The following IL1RAPL1 variants were observed in gnomAD, a reference collection of about 807,000 sequenced individuals.
IL1RAPL1 encodes interleukin 1 receptor accessory protein like 1, also known as interleukin-1 receptor accessory protein-like 1.
Under a neutral mutation model 48.4 loss-of-function variants are expected in IL1RAPL1, and 3 were observed. That is an observed-to-expected ratio of 0.06 (90% CI 0.03 to 0.16). The LOEUF is 0.16. Ranked by LOEUF, IL1RAPL1 falls within the 10% of genes least tolerant of loss-of-function variation. IL1RAPL1 has a pLI of 1.00. For synonymous variants in IL1RAPL1, 185 were observed against 187.7 expected (o/e 0.99, Z 0.12); for missense variants, 349 against 530.6 (o/e 0.66, Z 3.36).
intron 2 of IL1RAPL1, among the ~76,000 whole-genome samples, chrX:28,810,689 C>A (rs1936784616): frequency 1.8e-5 from 2 of 109,296 alleles, no homozygotes; most frequent in South Asian, 7.7e-4. Context: ...AACATGTAGG[C>A]CAAATGGAAA....
At chrX:29,197,998 C>T (rs1276358332) in intron 2 of IL1RAPL1, among the ~76,000 whole-genome samples, 1 of 111,321 alleles carries the variant, frequency 9.0e-6, no homozygotes, top group Non-Finnish European at 1.9e-5. Context: ...CGTGAGCCAC[C>T]GTGCCCGGCC....
intron 5 of IL1RAPL1, among the ~76,000 whole-genome samples, chrX:29,410,266 T>C (rs1252151725): frequency 1.8e-5 from 2 of 109,850 alleles, no homozygotes; most frequent in East Asian, 5.8e-4. Context: ...ATCGAGACCA[T>C]CCTGGCCAAT....
intron 2 of IL1RAPL1, among the ~76,000 whole-genome samples, chrX:28,888,787 C>A (rs962452747): frequency 9.0e-6 from 1 of 111,388 alleles, no homozygotes; most frequent in Non-Finnish European, 1.9e-5. Flanking sequence ...TGTTGTATAA[C>A]AATCTCACTA....
chrX:29,629,296 A>G (rs1412918889), intron 5 of IL1RAPL1, among the ~76,000 whole-genome samples: 2 of 111,889 alleles, frequency 1.8e-5, no homozygotes, highest in African/African-American at 6.5e-5. Context: ...TCAACACTGA[A>G]TATACAAAGT....
At position 29,104,851 on chromosome X, in the gene IL1RAPL1, C is replaced by G. The variant is rs754987511; in HGVS notation, c.83-178087C>G. On this transcript the variant is annotated intron_variant, in intron 2 of 10. Transcript: ENST00000378993. ...TAAGGTTTCTTTCATTTTTCTGCCC[C>G]GCTATCTTTTAATTTGTAAGTTTCA... is the stretch of plus-strand genomic sequence containing the variant. 3.8e-4 allele frequency among the ~76,000 whole-genome samples: 42 copies of G among 111,767 alleles called. No homozygotes were observed. The South Asian group carries it at 4.5e-3, about 12-fold the overall frequency.
In IL1RAPL1 at chrX:28,949,298, A is replaced by G. The variant is rs1408640192; in HGVS notation, c.82+159873A>G. On this transcript the variant is annotated intron_variant, in intron 2 of 10. Coordinates refer to ENST00000378993, the MANE Select transcript of IL1RAPL1 (RefSeq NM_014271.4). ...TTGTTTTTTTTTTTTGTTTCTCAAC[A>G]TAAATGAGCCTTGTGTGCTTTCATT... is the stretch of plus-strand genomic sequence containing the variant. 4.1e-4 allele frequency among the ~76,000 whole-genome samples: 45 copies of G among 110,183 alleles called. 1 individual carries two copies. The highest frequency in any genetic ancestry group is 1.9e-5 in the Non-Finnish European group (1 of 52,678).
chrX:28,943,799 T>C (rs1202488433), intron 2 of IL1RAPL1, among the ~76,000 whole-genome samples: 1 of 111,189 alleles, frequency 9.0e-6, no homozygotes, highest in Admixed American at 9.6e-5. Flanking sequence ...AGTGCTGAAA[T>C]GCTGGTTTAT....
intron 2 of IL1RAPL1, among the ~76,000 whole-genome samples, chrX:28,797,939 G>T (rs780243581): frequency 8.9e-6 from 1 of 111,971 alleles, no homozygotes; most frequent in Non-Finnish European, 1.9e-5. Context: ...CAATCGTGGT[G>T]GAAGGCAAGG....
chrX:29,022,687 A>T, intron 2 of IL1RAPL1, among the ~76,000 whole-genome samples: 1 of 111,693 alleles, frequency 9.0e-6, no homozygotes, highest in Middle Eastern at 4.6e-3. Flanking sequence ...TCTGAAAAGG[A>T]CTTATGCCTA....
intron 5 of IL1RAPL1, among the ~76,000 whole-genome samples, chrX:29,469,187 G>C (rs1221437581): frequency 8.9e-6 from 1 of 112,241 alleles, no homozygotes; most frequent in Non-Finnish European, 1.9e-5. Context: ...TGTATTAAAA[G>C]ATTCATAGCA....
At chrX:29,736,577 T>C (rs747976309) in intron 6 of IL1RAPL1, among the ~76,000 whole-genome samples, 226 of 111,456 alleles carry the variant, frequency 2.0e-3, no homozygotes, top group Non-Finnish European at 3.6e-3. Context: ...AATACAAAAA[T>C]TAGCCGGGCG....
chrX:28,736,246 A>G (rs1260345622), intron 1 of IL1RAPL1, among the ~76,000 whole-genome samples: 1 of 110,222 alleles, frequency 9.1e-6, no homozygotes, highest in Non-Finnish European at 1.9e-5. Flanking sequence ...AGCCTGGCCA[A>G]CATAGTGAAA....
At chrX:29,339,391 A>G (rs1432034145) in intron 3 of IL1RAPL1, among the ~76,000 whole-genome samples, 3 of 111,938 alleles carry the variant, frequency 2.7e-5, no homozygotes. Context: ...TAGATAATCA[A>G]TGTATATTAA....
intron 2 of IL1RAPL1, among the ~76,000 whole-genome samples, chrX:29,047,571 TCTGA>T (rs1162574623): frequency 3.6e-5 from 4 of 112,137 alleles, no homozygotes; most frequent in African/African-American, 1.3e-4. Flanking sequence ...GCTAAAAGTC[TCTGA>T]CTGGAAAGGA....
chrX:29,583,844 A>T (rs1262805718), intron 5 of IL1RAPL1, among the ~76,000 whole-genome samples: 1 of 111,900 alleles, frequency 8.9e-6, no homozygotes, highest in East Asian at 2.8e-4. Flanking sequence ...TACATTGGGC[A>T]TCAGATTCAG....
chrX:28,941,727 T>C (rs187567201), intron 2 of IL1RAPL1, among the ~76,000 whole-genome samples: 1 of 111,284 alleles, frequency 9.0e-6, no homozygotes. Context: ...CTTCTCATGC[T>C]CAAGAGGGTG....
At chrX:29,232,598 C>G (rs1015299873) in intron 2 of IL1RAPL1, among the ~76,000 whole-genome samples, 2 of 111,345 alleles carry the variant, frequency 1.8e-5, no homozygotes, top group East Asian at 5.7e-4. Flanking sequence ...ATCTCTCAGA[C>G]GAGCATCCTC....
At chrX:29,682,565 T>C (rs928685481) in intron 6 of IL1RAPL1, among the ~76,000 whole-genome samples, 5 of 111,940 alleles carry the variant, frequency 4.5e-5, no homozygotes, top group African/African-American at 1.6e-4. Context: ...AGAACATTTC[T>C]CTCATCATTT....
chrX:28,636,868 A>G (rs1934471650), intron 1 of IL1RAPL1, among the ~76,000 whole-genome samples: 2 of 111,802 alleles, frequency 1.8e-5, no homozygotes, highest in Admixed American at 9.6e-5. Context: ...GAGAAGGTGA[A>G]TACGCTTAAC....
Sources: gnomAD v4.1 joint callset for allele counts (sites outside exome capture counted in the v4.1 genomes callset) on GRCh38, gnomAD v4.1.1 for gene constraint, MANE v1.5 for transcripts, NCBI Gene and HGNC (gene_info 2026-07-23, HGNC 2026-07-21) for gene names.